Variants in APLF observed in about 807,000 individuals in gnomAD.
The protein encoded by APLF is aprataxin and PNKP like factor, also known as aprataxin and PNK-like factor.
In APLF, 61 loss-of-function variants were observed where a neutral mutation model predicts 55.6. The observed-to-expected ratio is 1.10, with a 90% CI of 0.89 to 1.36. The LOEUF (loss-of-function observed/expected upper bound fraction) is 1.36, where lower values mean the gene tolerates loss of function less well. APLF is among the 40% of genes most tolerant of loss of function. The pLI, the probability that APLF is intolerant of heterozygous loss-of-function variation, is 0.00. For missense variants in APLF, 611 were observed against 602.5 expected (o/e 1.01, Z -0.15); for synonymous variants, 207 against 214.8 (o/e 0.96, Z 0.32).
At chr2:68,476,475 T>G (rs959875892) in intron 1 of APLF, among the ~76,000 whole-genome samples, 12 of 66,810 alleles carry the variant, frequency 1.8e-4, no homozygotes, top group African/African-American at 6.1e-4. Context: ...AGAGTGAGAC[T>G]CAAAAAAAAA....
intron 8 of APLF, among the ~76,000 whole-genome samples, chr2:68,565,514 GATACATACATAC>G (rs372500629): frequency 1.6e-4 from 24 of 149,032 alleles, no homozygotes; most frequent in East Asian, 9.9e-4. Flanking sequence ...TAGACAGATA[GATACATACATAC>G]ATACATACAT....
chr2:68,519,601 G>A (rs918613195), intron 5 of APLF, among the ~76,000 whole-genome samples: 9 of 148,794 alleles, frequency 6.0e-5, no homozygotes, highest in Non-Finnish European at 7.5e-5. Context: ...TTTCCTTCCT[G>A]CAAATTGAGG....
At chr2:68,546,123 T>C (rs1267456549) in intron 8 of APLF, among the ~76,000 whole-genome samples, 5 of 152,142 alleles carry the variant, frequency 3.3e-5, no homozygotes, top group East Asian at 3.8e-4. Context: ...GAATGACTTA[T>C]ACTTTTTTTG....
At chr2:68,519,175 A>AT (rs1480135188) in intron 5 of APLF, among the ~76,000 whole-genome samples, 4 of 138,662 alleles carry the variant, frequency 2.9e-5, no homozygotes, top group Admixed American at 7.7e-5. Flanking sequence ...AAATTGGACC[A>AT]ATGTGACTAT....
chr2:68,479,086 G>A (rs1426881869), intron 1 of APLF, among the ~76,000 whole-genome samples: 1 of 152,138 alleles, frequency 6.6e-6, no homozygotes, highest in African/African-American at 2.4e-5. Context: ...TAACGAAGGT[G>A]CTGAAGTGGT....
intron 2 of APLF, among the ~76,000 whole-genome samples, chr2:68,490,534 A>T (rs1468186621): frequency 6.6e-6 from 1 of 152,154 alleles, no homozygotes; most frequent in African/African-American, 2.4e-5. Flanking sequence ...AAAATTGAAT[A>T]CTCCAAATAA....
rs539299041 is a variant in APLF, at chr2:68,537,414, C to G, written c.805-458C>G. On this transcript the variant is annotated intron_variant, in intron 6 of 9. Coordinates refer to ENST00000303795, the MANE Select transcript of APLF (RefSeq NM_173545.3). The stretch of plus-strand genomic sequence containing the variant: ...TGGAGTCTTGTTCTTGTTGCCCAGG[C>G]TGGAGTGCAATGGTGCAATCTCAGT... Among the ~76,000 whole-genome samples the G allele has an allele frequency of 1.1e-4, 17 of 150,488 alleles. No individual in the cohort carries two copies. In the East Asian group the frequency reaches 2.0e-3, roughly 17 times the overall value.
intron 6 of APLF, among the ~76,000 whole-genome samples, chr2:68,534,706 C>T (rs1162669581): frequency 6.6e-6 from 1 of 152,106 alleles, no homozygotes; most frequent in Non-Finnish European, 1.5e-5. Context: ...CACATTTAGT[C>T]CTGCCCATTT....
At chr2:68,518,875 A>T (rs1218597150) in intron 5 of APLF, among the ~76,000 whole-genome samples, 1 of 126,478 alleles carries the variant, frequency 7.9e-6, no homozygotes, top group Non-Finnish European at 1.6e-5. Context: ...TTAATATGTA[A>T]TAAAATATTA....
At chr2:68,524,556 G>A (rs1236554081) in intron 5 of APLF, among the ~76,000 whole-genome samples, 2 of 152,324 alleles carry the variant, frequency 1.3e-5, no homozygotes, top group South Asian at 2.1e-4. Flanking sequence ...GACAGACACT[G>A]TATGGCCCAC....
chr2:68,505,729 G>C (rs551816288), intron 3 of APLF, among the ~76,000 whole-genome samples: 1 of 152,046 alleles, frequency 6.6e-6, no homozygotes, highest in Admixed American at 6.6e-5. Flanking sequence ...TTCCAGTGGA[G>C]TGTTGGGGTA....
chr2:68,571,293 G>A (rs1007744534), intron 9 of APLF, among the ~76,000 whole-genome samples: 1 of 152,078 alleles, frequency 6.6e-6, no homozygotes, highest in Non-Finnish European at 1.5e-5. Context: ...AAGCTCTTTA[G>A]TTTAATTAGA....
intron 1 of APLF, among the ~76,000 whole-genome samples, chr2:68,470,839 G>A (rs903656146): frequency 1.3e-5 from 2 of 152,122 alleles, no homozygotes; most frequent in African/African-American, 4.8e-5. Flanking sequence ...GGGGGAACAG[G>A]GAAGGTCATA....
At chr2:68,487,182 T>C (rs1676207031) in intron 1 of APLF, among the ~76,000 whole-genome samples, 1 of 152,162 alleles carries the variant, frequency 6.6e-6, no homozygotes, top group Non-Finnish European at 1.5e-5. Flanking sequence ...CTTGGAGCTT[T>C]ATTTAGGATC....
chr2:68,471,690 G>GT (rs202218446), intron 1 of APLF, among the ~76,000 whole-genome samples: 4 of 152,062 alleles, frequency 2.6e-5, no homozygotes, highest in Non-Finnish European at 5.9e-5. Flanking sequence ...GTGTCATATT[G>GT]TTTTTTTAAG....
chr2:68,564,048 A>G (rs1027376087), intron 8 of APLF, among the ~76,000 whole-genome samples: 1 of 152,080 alleles, frequency 6.6e-6, no homozygotes, highest in Non-Finnish European at 1.5e-5. Context: ...TTTCTAAAGT[A>G]AAGATGAAAA....
At chr2:68,541,714 A>G (rs962598255) in intron 7 of APLF, among the ~76,000 whole-genome samples, 4 of 152,192 alleles carry the variant, frequency 2.6e-5, no homozygotes, top group Admixed American at 2.0e-4. Context: ...GGCAGTGAAG[A>G]TGTTCATACT....
chr2:68,546,677 GA>G (rs1173243743), intron 8 of APLF, among the ~76,000 whole-genome samples: 3 of 151,124 alleles, frequency 2.0e-5, no homozygotes, highest in African/African-American at 7.3e-5. Flanking sequence ...TGATTGGAAA[GA>G]AAAAAACCTG....
chr2:68,552,937 T>C (rs141716376), intron 8 of APLF, among the ~76,000 whole-genome samples: 1 of 152,262 alleles, frequency 6.6e-6, no homozygotes, highest in East Asian at 1.9e-4. Context: ...CTTGTTAATT[T>C]TAATTACAGT....
Sources: gnomAD v4.1 joint callset for allele counts (sites outside exome capture counted in the v4.1 genomes callset) on GRCh38, gnomAD v4.1.1 for gene constraint, MANE v1.5 for transcripts, NCBI Gene and HGNC (gene_info 2026-07-23, HGNC 2026-07-21) for gene names.